Variants in MCF2L2 observed in about 807,000 individuals in gnomAD.
MCF2L2 encodes MCF.2 cell line derived transforming sequence-like 2.
MCF2L2 carries 102 observed loss-of-function variants against 150.2 expected under a neutral mutation model. That is an observed-to-expected ratio of 0.68 (90% confidence interval 0.58 to 0.80). The LOEUF (loss-of-function observed/expected upper bound fraction) is 0.80. Among genes scored for constraint, MCF2L2 ranks in the 30% least tolerant of loss-of-function variants. The pLI is 0.00. For missense variants in MCF2L2, 1,256 were observed against 1,372.8 expected, an observed-to-expected ratio of 0.91 and a Z score of 1.34; for synonymous variants, 465 against 491.3, an observed-to-expected ratio of 0.95 and a Z score of 0.71.
chr3:183,388,394 C>A (rs901223460), intron 2 of MCF2L2, among the ~76,000 whole-genome samples: 2 of 152,070 alleles, frequency 1.3e-5, no homozygotes, highest in African/African-American at 4.8e-5. Context: ...CCCATTCTGC[C>A]TTTTGTCTTG....
At chr3:183,293,475 C>A (rs1327086882) in intron 13 of MCF2L2, among the ~76,000 whole-genome samples, 1 of 152,104 alleles carries the variant, frequency 6.6e-6, no homozygotes, top group Non-Finnish European at 1.5e-5. Context: ...AGAAGAAAAA[C>A]CATATCATTC....
chr3:183,182,838 G>C (rs1412256371), intron 27 of MCF2L2: 2 of 152,318 alleles, frequency 1.3e-5, no homozygotes, highest in African/African-American at 4.8e-5. Flanking sequence ...GGCTCACAGG[G>C]TGCCCCGCCA....
chr3:183,397,563 A>G (rs1212945585), intron 1 of MCF2L2, among the ~76,000 whole-genome samples: 1 of 152,212 alleles, frequency 6.6e-6, no homozygotes, highest in Non-Finnish European at 1.5e-5. Flanking sequence ...ATACATTCAA[A>G]CCATGGATAA....
At chr3:183,295,720 G>A (rs987431565) in intron 12 of MCF2L2, among the ~76,000 whole-genome samples, 6 of 152,116 alleles carry the variant, frequency 3.9e-5, no homozygotes, top group South Asian at 2.1e-4. Context: ...TCACTATGGC[G>A]TCTCCAGTGC....
At chr3:183,327,589 A>G (rs1191601279) in intron 5 of MCF2L2, among the ~76,000 whole-genome samples, 1 of 152,070 alleles carries the variant, frequency 6.6e-6, no homozygotes. Flanking sequence ...TCCCTTTAAA[A>G]ACCTCTGTCT....
In MCF2L2 at chr3:183,180,134, G is replaced by A. The variant is rs1205199174; in HGVS notation, c.3042C>T (p.Ser1014=). The part of the protein sequence containing the change: ...IKGCSSREFS[S]MDTFEDCEGA... Reference sequence around the variant, plus strand: ...CTTCACAGTCTTCAAAGGTGTCCATGGAGCTAAACTCCCTGCTGGAGCAGC... The same window carrying A: ...CTTCACAGTCTTCAAAGGTGTCCATAGAGCTAAACTCCCTGCTGGAGCAGC... The change falls in exon 28 of 30, where the codon TCC becomes TCT. Residue 1014 remains serine (S), a synonymous_variant. Coordinates refer to ENST00000328913, the MANE Select transcript of MCF2L2 (RefSeq NM_015078.4). 3 of 1,613,814 alleles carry A rather than the reference G, an allele frequency of 1.9e-6. No individual in the cohort carries two copies. The Admixed American group carries it at 5.0e-5, about 27-fold the overall frequency.
chr3:183,320,089 C>G (rs1344864331), intron 6 of MCF2L2, among the ~76,000 whole-genome samples: 1 of 141,790 alleles, frequency 7.1e-6, no homozygotes, highest in Admixed American at 6.9e-5. Flanking sequence ...GTCACTTTTT[C>G]TTTTCTTTTT....
chr3:183,285,260 C>T (rs558913628), intron 14 of MCF2L2, among the ~76,000 whole-genome samples: 150 of 152,300 alleles, frequency 9.8e-4, no homozygotes, highest in African/African-American at 3.4e-3. Context: ...CTCATTTAAT[C>T]AGCCACCTGT....
rs1343683171 is a variant in MCF2L2, at chr3:183,294,576, T to A, written c.1675+724A>T. On this transcript the variant is annotated intron_variant, in intron 13 of 29. Coordinates refer to ENST00000328913, the MANE Select transcript of MCF2L2 (RefSeq NM_015078.4). ...ATGTGTGTGTGTGTGTGTGTATATA[T>A]ATGTGTATATACATATATGTGTATG... Among the ~76,000 whole-genome samples, 8 of 149,038 alleles carry A rather than the reference T, an allele frequency of 5.4e-5. No homozygotes were observed. In the East Asian group the frequency reaches 1.6e-3, roughly 29 times the overall value.
rs200368808 is a variant in MCF2L2 at position 183,179,590 on chromosome 3, C to G, written c.3208G>C (p.Asp1070His). Reference protein sequence around the residue: ...ESSQGEKEERDEEETATRSTE... With the variant: ...ESSQGEKEERHEEETATRSTE... ...GCTCACACTCACGTTTCCTCCTCAT[C>G]GCGTTCTTCTTTTTCTCCCTGGCTG... The change falls in exon 29 of 30, where the codon GAT becomes CAT. Residue 1070 changes from aspartate (D) to histidine (H), a missense_variant. Physicochemically the swap from Asp to His is moderately conservative, Grantham distance 81. Coordinates refer to ENST00000328913, the MANE Select transcript of MCF2L2 (RefSeq NM_015078.4). The surrounding 1 kb of genome is among the most constrained non-coding windows in gnomAD (Gnocchi z 4.2). 6.2e-7 allele frequency: 1 copy of G among 1,614,146 alleles called. No individual in the cohort carries two copies. Among genetic ancestry groups the G allele is most frequent in the African/African-American group, 1.3e-5 (1 of 75,068 alleles).
intron 27 of MCF2L2, among the ~76,000 whole-genome samples, chr3:183,185,010 G>A (rs1267927655): frequency 1.3e-5 from 2 of 151,566 alleles, no homozygotes; most frequent in Non-Finnish European, 2.9e-5. Context: ...TCCGCCTCCC[G>A]GGTTCAAGTG....
At chr3:183,250,990 C>G (rs1724494643) in intron 15 of MCF2L2, among the ~76,000 whole-genome samples, 1 of 152,228 alleles carries the variant, frequency 6.6e-6, no homozygotes, top group South Asian at 2.1e-4. Context: ...AATCCTCACC[C>G]ACCCTTGCAG....
chr3:183,213,699 G>A (rs1722815693), intron 22 of MCF2L2, among the ~76,000 whole-genome samples: 1 of 152,182 alleles, frequency 6.6e-6, no homozygotes, highest in Admixed American at 6.5e-5. Context: ...GAGTGGAATA[G>A]CACCCTGATA....
chr3:183,205,269 C>A (rs112020974), intron 25 of MCF2L2, among the ~76,000 whole-genome samples: 2 of 151,932 alleles, frequency 1.3e-5, no homozygotes, highest in East Asian at 1.9e-4. Context: ...CCCAGCTATT[C>A]GGGAGGCTGA....
intron 1 of MCF2L2, among the ~76,000 whole-genome samples, chr3:183,420,209 C>T (rs1577142319): frequency 6.6e-6 from 1 of 152,232 alleles, no homozygotes; most frequent in East Asian, 1.9e-4. Flanking sequence ...GCCTGTTACC[C>T]AGTTCCAATG....
intron 14 of MCF2L2, chr3:183,287,391 A>G (rs1301505475): frequency 1.3e-5 from 2 of 152,164 alleles, no homozygotes; most frequent in Non-Finnish European, 2.9e-5. Context: ...ATATGAGCTC[A>G]GGGGCCAAAT....
intron 15 of MCF2L2, among the ~76,000 whole-genome samples, chr3:183,250,004 G>C (rs1724442662): frequency 6.6e-6 from 1 of 152,084 alleles, no homozygotes; most frequent in Non-Finnish European, 1.5e-5. Flanking sequence ...AAAGTAGTTG[G>C]GAAAACAGAC....
chr3:183,347,481 A>G (rs765274208), intron 3 of MCF2L2, among the ~76,000 whole-genome samples: 35 of 152,356 alleles, frequency 2.3e-4, no homozygotes, highest in Non-Finnish European at 4.6e-4. Context: ...AATACCATTC[A>G]GGACATAGGC....
chr3:183,311,141 C>A (rs1341989341), intron 8 of MCF2L2, 112 bp from the exon 9 acceptor site: 1 of 636,824 alleles, frequency 1.6e-6, no homozygotes, highest in Admixed American at 2.7e-5. Flanking sequence ...TCAATTGTGA[C>A]CATCTCATTA....
Sources: gnomAD v4.1 joint callset for allele counts (sites outside exome capture counted in the v4.1 genomes callset) on GRCh38, gnomAD v4.1.1 for gene constraint, Gnocchi (gnomAD v3.1) non-coding constraint, MANE v1.5 for transcripts, NCBI Gene and HGNC (gene_info 2026-07-23, HGNC 2026-07-21) for gene names.